Variants in BNC2 observed in about 807,000 individuals in gnomAD.
The protein encoded by BNC2 is basonuclin zinc finger protein 2.
In BNC2, 20 loss-of-function variants were observed where a neutral mutation model predicts 76.3. The ratio of observed to expected loss-of-function variants is 0.26; its 90% CI spans 0.18 to 0.38. BNC2 has a LOEUF of 0.38. BNC2 is among the 10% of genes least tolerant of loss of function. The probability of loss-of-function intolerance (pLI) is 1.00; values close to 1 mark genes in which losing one functional copy is unlikely to be tolerated. For synonymous variants in BNC2, 582 were observed against 514.8 expected, an observed-to-expected ratio of 1.13 and a Z score of -1.77; for missense variants, 1,382 against 1,399.8, an observed-to-expected ratio of 0.99 and a Z score of 0.20.
intron 3 of BNC2, among the ~76,000 whole-genome samples, chr9:16,684,916 T>G (rs1051720778): frequency 6.9e-6 from 1 of 144,530 alleles, no homozygotes; most frequent in African/African-American, 2.6e-5. Flanking sequence ...AAAAAAAAAA[T>G]GTACTTTGCT....
intron 1 of BNC2, among the ~76,000 whole-genome samples, chr9:16,818,668 T>G (rs1818242234): frequency 6.6e-6 from 1 of 152,094 alleles, no homozygotes; most frequent in Non-Finnish European, 1.5e-5. Context: ...TCTATGAATT[T>G]TAATGGAGAA....
At chr9:16,471,913 A>G (rs983089611) in intron 5 of BNC2, among the ~76,000 whole-genome samples, 1 of 152,100 alleles carries the variant, frequency 6.6e-6, no homozygotes, top group South Asian at 2.1e-4. Flanking sequence ...TGCAATAGTG[A>G]ATAAGTCTCA....
At chr9:16,724,542 G>C (rs1360794803) in intron 3 of BNC2, among the ~76,000 whole-genome samples, 1 of 151,960 alleles carries the variant, frequency 6.6e-6, no homozygotes, top group African/African-American at 2.4e-5. Context: ...TCATACTTGA[G>C]TATAGAAGAA....
intron 5 of BNC2, among the ~76,000 whole-genome samples, chr9:16,438,339 A>C (rs1410496870): frequency 6.6e-6 from 1 of 152,218 alleles, no homozygotes; most frequent in Non-Finnish European, 1.5e-5. Context: ...TTTAGACAGA[A>C]TAAATGTGTA....
chr9:16,689,711 A>T (rs1248383895), intron 3 of BNC2, among the ~76,000 whole-genome samples: 4 of 152,212 alleles, frequency 2.6e-5, no homozygotes, highest in Non-Finnish European at 5.9e-5. Context: ...CCTCAGAGAC[A>T]TGGCTAGGTA....
chr9:16,718,664 G>A (rs1362719160), intron 3 of BNC2, among the ~76,000 whole-genome samples: 1 of 152,114 alleles, frequency 6.6e-6, no homozygotes, highest in African/African-American at 2.4e-5. Flanking sequence ...ATGACACTGA[G>A]TTTCACCAAA....
chr9:16,787,552 T>G (rs1405271916), intron 1 of BNC2, among the ~76,000 whole-genome samples: 1 of 152,196 alleles, frequency 6.6e-6, no homozygotes, highest in African/African-American at 2.4e-5. Context: ...ATCATGGAGC[T>G]ATCCTGATGA....
chr9:16,695,854 G>C lies in BNC2; in HGVS notation c.330+31943C>G, dbSNP rs900293785. On this transcript the variant is annotated intron_variant, in intron 3 of 6. Transcript: ENST00000380672. ...TTTCTAAGTGTCCAGTTAACATCTC[G>C]AGCTAAACAAGCAAATAGGTTCACT... Among the ~76,000 whole-genome samples the C allele has an allele frequency of 4.5e-5, 4 of 88,092 alleles. No homozygotes were observed. The East Asian group carries it at 6.7e-4, about 15-fold the overall frequency. The allele number at this position is 88,092 out of a possible 152,430, so 57.8% of individuals were successfully genotyped here. A position where few individuals can be genotyped will look rare whatever the true frequency, so the allele number is the denominator to read the frequency against.
intron 6 of BNC2, chr9:16,434,792 G>C (rs141040384): frequency 2.2e-6 from 1 of 455,480 alleles, no homozygotes. Context: ...TAATATATTC[G>C]TGCTGATCCT....
intron 2 of BNC2, among the ~76,000 whole-genome samples, chr9:16,728,723 C>A (rs1411431): frequency 0.17 from 25,938 of 151,402 alleles, 2,238 homozygotes; most frequent in East Asian, 0.27. Flanking sequence ...AAAGAGTAAG[C>A]AAATAAGCCT....
intron 1 of BNC2, among the ~76,000 whole-genome samples, chr9:16,858,096 T>C (rs1211682143): frequency 6.6e-6 from 1 of 152,204 alleles, no homozygotes; most frequent in African/African-American, 2.4e-5. Context: ...GATCATACAA[T>C]AATTTTTAGT....
At chr9:16,592,788 C>T (rs1291732406) in intron 3 of BNC2, among the ~76,000 whole-genome samples, 1 of 152,108 alleles carries the variant, frequency 6.6e-6, no homozygotes, top group Non-Finnish European at 1.5e-5. Context: ...CCCCAGGAGA[C>T]ATAATGCAGC....
chr9:16,546,436 AC>A (rs1818484625), intron 5 of BNC2, among the ~76,000 whole-genome samples: 1 of 152,188 alleles, frequency 6.6e-6, no homozygotes. Context: ...CAATCCCTGC[AC>A]ATGGTATAGC....
At chr9:16,462,564 G>A (rs968500711) in intron 5 of BNC2, among the ~76,000 whole-genome samples, 1 of 152,120 alleles carries the variant, frequency 6.6e-6, no homozygotes, top group African/African-American at 2.4e-5. Flanking sequence ...TCTAACACCA[G>A]GAAAAAACTC....
chr9:16,504,122 T>C (rs1822577192), intron 5 of BNC2, among the ~76,000 whole-genome samples: 1 of 152,072 alleles, frequency 6.6e-6, no homozygotes, highest in African/African-American at 2.4e-5. Flanking sequence ...ACAGCACCCA[T>C]TTATCTAAGT....
intron 1 of BNC2, among the ~76,000 whole-genome samples, chr9:16,792,744 T>C (rs1817548084): frequency 6.6e-6 from 1 of 152,202 alleles, no homozygotes; most frequent in African/African-American, 2.4e-5. Flanking sequence ...TAGAGTGCTA[T>C]AAAAACAAGG....
intron 5 of BNC2, among the ~76,000 whole-genome samples, chr9:16,446,760 G>A (rs1355884899): frequency 2.0e-5 from 3 of 149,152 alleles, no homozygotes; most frequent in East Asian, 2.0e-4. Context: ...TCTATACAGC[G>A]TTTTTATTTT....
chr9:16,821,577 G>A (rs1193408096), intron 1 of BNC2, among the ~76,000 whole-genome samples: 4 of 152,220 alleles, frequency 2.6e-5, no homozygotes, highest in East Asian at 1.9e-4. Context: ...AGAGTGGACA[G>A]TGTAAACAGC....
chr9:16,460,394 G>A (rs200394698), intron 5 of BNC2, among the ~76,000 whole-genome samples: 2 of 151,934 alleles, frequency 1.3e-5, no homozygotes, highest in South Asian at 2.1e-4. Context: ...AGGCCAAGGC[G>A]GGTGGATTGC....
Sources: gnomAD v4.1 joint callset for allele counts (sites outside exome capture counted in the v4.1 genomes callset) on GRCh38, gnomAD v4.1.1 for gene constraint, MANE v1.5 for transcripts, NCBI Gene and HGNC (gene_info 2026-07-23, HGNC 2026-07-21) for gene names.